Variants in FAM107B observed in about 807,000 individuals in gnomAD.
FAM107B encodes the protein protein FAM107B.
Under a neutral mutation model 31.5 loss-of-function variants are expected in FAM107B, and 21 were observed. That is an observed-to-expected ratio of 0.67 (90% CI 0.47 to 0.96). FAM107B has a LOEUF of 0.96. FAM107B is among the 40% of genes least tolerant of loss of function. The probability of loss-of-function intolerance (pLI) is 0.00; values close to 1 mark genes in which losing one functional copy is unlikely to be tolerated. For synonymous variants in FAM107B, 157 were observed against 141.5 expected, an observed-to-expected ratio of 1.11 and a Z score of -0.78; for missense variants, 452 against 377.1, an observed-to-expected ratio of 1.20 and a Z score of -1.64.
At chr10:14,587,113 T>C (rs986881712) in intron 2 of FAM107B, among the ~76,000 whole-genome samples, 2 of 152,128 alleles carry the variant, frequency 1.3e-5, no homozygotes, top group Non-Finnish European at 2.9e-5. Flanking sequence ...CAGGTGCTTT[T>C]CCTGCCTGAT....
chr10:14,652,429 G>A (rs1217560769), intron 2 of FAM107B, among the ~76,000 whole-genome samples: 2 of 152,300 alleles, frequency 1.3e-5, no homozygotes, highest in Non-Finnish European at 2.9e-5. Context: ...CGGAAATAAC[G>A]AAAATATAGG....
chr10:14,643,745 T>C (rs1484274180), intron 2 of FAM107B, among the ~76,000 whole-genome samples: 1 of 152,110 alleles, frequency 6.6e-6, no homozygotes. Flanking sequence ...AACTCAAACA[T>C]TAATGTCATC....
At chr10:14,752,421 C>T (rs1796292169) in intron 1 of FAM107B, among the ~76,000 whole-genome samples, 1 of 152,218 alleles carries the variant, frequency 6.6e-6, no homozygotes, top group Admixed American at 6.5e-5. Flanking sequence ...GCAAAACATT[C>T]AGACGAGTGT....
intron 2 of FAM107B, among the ~76,000 whole-genome samples, chr10:14,588,284 A>G (rs1332419349): frequency 6.6e-6 from 1 of 152,024 alleles, no homozygotes; most frequent in African/African-American, 2.4e-5. Context: ...GTCATCACAT[A>G]TTTCAGCTGT....
At chr10:14,661,589 CT>C (rs1235715299) in intron 2 of FAM107B, 1 of 152,218 alleles carries the variant, frequency 6.6e-6, no homozygotes, top group African/African-American at 2.4e-5. Flanking sequence ...AATTTCACCA[CT>C]GGGGCTCTTG....
chr10:14,610,387 A>G (rs1852698645), intron 2 of FAM107B, among the ~76,000 whole-genome samples: 1 of 152,208 alleles, frequency 6.6e-6, no homozygotes, highest in South Asian at 2.1e-4. Flanking sequence ...TTTATCATTT[A>G]AATAGCATAA....
chr10:14,771,558 T>C (rs1366200748), intron 1 of FAM107B, among the ~76,000 whole-genome samples: 2 of 119,086 alleles, frequency 1.7e-5, no homozygotes, highest in Non-Finnish European at 3.0e-5. Flanking sequence ...ATTACACATT[T>C]ATACATGTAT....
chr10:14,573,886 T>C (rs1372807439), intron 2 of FAM107B, among the ~76,000 whole-genome samples: 2 of 152,064 alleles, frequency 1.3e-5, no homozygotes, highest in Admixed American at 6.5e-5. Context: ...CAAATGATCA[T>C]TGTGGATACA....
In FAM107B at chr10:14,521,906, T is replaced by C. The variant is rs1396840151; in HGVS notation, c.767A>G (p.Glu256Gly). 2 of 1,614,190 alleles carry C rather than the reference T, an allele frequency of 1.2e-6. No homozygotes were observed. Among genetic ancestry groups the C allele is most frequent in the South Asian group, 2.2e-5 (2 of 91,076 alleles). Reference protein sequence around the residue: ...EEAQKKKSDLEIELLKRQQKL... With the variant: ...EEAQKKKSDLGIELLKRQQKL... ...CTGCTGCCGTTTTAATAGCTCTATTTCCAAGTCAGATTTCTTCTTCTGTGC... is the reference window on the plus strand; with the variant it reads ...CTGCTGCCGTTTTAATAGCTCTATTCCCAAGTCAGATTTCTTCTTCTGTGC... Residue 256 changes from glutamate (E) to glycine (G), a missense_variant, in exon 4 of 5, where the codon GAA becomes GGA. Coordinates refer to ENST00000181796, the MANE Select transcript of FAM107B (RefSeq NM_031453.4).
intron 1 of FAM107B, among the ~76,000 whole-genome samples, chr10:14,739,497 A>T (rs1008612016): frequency 1.4e-4 from 21 of 152,176 alleles, no homozygotes; most frequent in Middle Eastern, 3.2e-3. Flanking sequence ...ACGTTGGGGA[A>T]ACTTACTGCC....
chr10:14,708,011 A>G (rs1855559131), intron 1 of FAM107B, among the ~76,000 whole-genome samples: 1 of 152,006 alleles, frequency 6.6e-6, no homozygotes, highest in Non-Finnish European at 1.5e-5. Context: ...ATTATGTCCA[A>G]CCCAGAGCTC....
chr10:14,740,210 T>C (rs1856403981), intron 1 of FAM107B, among the ~76,000 whole-genome samples: 1 of 152,228 alleles, frequency 6.6e-6, no homozygotes, highest in African/African-American at 2.4e-5. Flanking sequence ...AACCAAGATG[T>C]CCTTCAATAG....
At chr10:14,749,967 A>G (rs1372753756) in intron 1 of FAM107B, among the ~76,000 whole-genome samples, 1 of 152,174 alleles carries the variant, frequency 6.6e-6, no homozygotes, top group East Asian at 1.9e-4. Context: ...GCCATGCAGG[A>G]GGCACCTCAG....
chr10:14,636,381 T>C (rs1311687257), intron 2 of FAM107B, among the ~76,000 whole-genome samples: 1 of 152,010 alleles, frequency 6.6e-6, no homozygotes, highest in African/African-American at 2.4e-5. Flanking sequence ...ACTAAATGTA[T>C]ACGTTCTGCC....
chr10:14,685,048 C>G (rs569373029), intron 1 of FAM107B, among the ~76,000 whole-genome samples: 5 of 151,920 alleles, frequency 3.3e-5, no homozygotes, highest in African/African-American at 1.2e-4. Context: ...CCCAGGGTGC[C>G]CAGGGTGGTC....
chr10:14,587,134 C>G (rs1388393899), intron 2 of FAM107B, among the ~76,000 whole-genome samples: 1 of 152,130 alleles, frequency 6.6e-6, no homozygotes, highest in African/African-American at 2.4e-5. Flanking sequence ...AATAGTCACA[C>G]TGCAGAGATG....
chr10:14,557,253 A>G (rs1178079169), intron 2 of FAM107B, among the ~76,000 whole-genome samples: 1 of 152,194 alleles, frequency 6.6e-6, no homozygotes, highest in African/African-American at 2.4e-5. Flanking sequence ...CTAGATATTT[A>G]GCTACCTAGG....
At chr10:14,599,231 C>T (rs1357360676) in intron 2 of FAM107B, among the ~76,000 whole-genome samples, 2 of 141,110 alleles carry the variant, frequency 1.4e-5, no homozygotes, top group Non-Finnish European at 3.3e-5. Context: ...GCTCAGTGTC[C>T]CCCCCCACTT....
intron 3 of FAM107B, among the ~76,000 whole-genome samples, chr10:14,528,474 GCCCAGCC>G (rs1381309428): frequency 6.6e-6 from 1 of 152,134 alleles, no homozygotes; most frequent in Non-Finnish European, 1.5e-5. Flanking sequence ...GATCCACGGT[GCCCAGCC>G]TACTTTAATT....
Sources: allele counts gnomAD v4.1 joint callset (sites outside exome capture counted in the v4.1 genomes callset), GRCh38; gene constraint gnomAD v4.1.1; transcripts MANE v1.5; gene names NCBI Gene and HGNC (gene_info 2026-07-23, HGNC 2026-07-21).